The following ATP8A1 variants were observed in gnomAD, a reference collection of about 807,000 sequenced individuals.
ATP8A1 encodes phospholipid-transporting ATPase IA.
A neutral mutation model predicts 177.7 loss-of-function variants in ATP8A1; 90 were observed. That is an observed-to-expected ratio of 0.51 (90% confidence interval 0.43 to 0.60). The LOEUF (loss-of-function observed/expected upper bound fraction) is 0.60, where lower values mean the gene tolerates loss of function less well. Among genes scored for constraint, ATP8A1 ranks in the 20% least tolerant of loss-of-function variants. The pLI is 0.00. For synonymous variants in ATP8A1, 493 were observed against 485.9 expected, an observed-to-expected ratio of 1.01 and a Z score of -0.19; for missense variants, 1,072 against 1,392.8, an observed-to-expected ratio of 0.77 and a Z score of 3.67.
rs564469630 is a variant in ATP8A1, at chr4:42,598,639, T to G, written c.450+1839A>C. Among the ~76,000 whole-genome samples, 4 of 152,334 alleles carry G rather than the reference T, an allele frequency of 2.6e-5. No homozygotes were observed. The East Asian group carries it at 5.8e-4, about 22-fold the overall frequency. ...AATTTTTCTGGGAATATGACATACT[T>G]GTAAATTTGTATGAATCTTGAATAT... On this transcript the variant is annotated intron_variant, in intron 6 of 36. Coordinates refer to ENST00000381668, the MANE Select transcript of ATP8A1 (RefSeq NM_006095.2).
intron 25 of ATP8A1, among the ~76,000 whole-genome samples, chr4:42,477,493 T>C (rs1404868019): frequency 6.6e-6 from 1 of 152,136 alleles, no homozygotes; most frequent in Non-Finnish European, 1.5e-5. Context: ...TCCCCCTCTC[T>C]TTCTCTCTCT....
At chr4:42,443,322 T>C (rs1055071024) in intron 33 of ATP8A1, among the ~76,000 whole-genome samples, 1 of 152,202 alleles carries the variant, frequency 6.6e-6, no homozygotes, top group Admixed American at 6.5e-5. Context: ...CCGACAACCA[T>C]ATTTTATTGT....
At position 42,455,561 on chromosome 4, in the gene ATP8A1, G is replaced by T. The variant is rs1214837127; in HGVS notation, c.2658C>A (p.Ile886=). The change falls in exon 28 of 37, where the codon ATC becomes ATA. Residue 886 remains isoleucine (I), a synonymous_variant. Transcript: ENST00000381668. The part of the protein sequence containing the change: ...FAFVNGFSGQ[I]LFERWCIGLY... ...GACCTATACACCATCTTTCAAAGAG[G>T]ATCTGTCCAGAAAAGCCATTAACAA... 3.7e-6 allele frequency: 6 copies of T among 1,613,368 alleles called. No individual in the cohort carries two copies. Among genetic ancestry groups the T allele is most frequent in the Non-Finnish European group, 4.2e-6 (5 of 1,179,738 alleles).
At chr4:42,548,362 G>A (rs1010057903) in intron 19 of ATP8A1, among the ~76,000 whole-genome samples, 5 of 152,114 alleles carry the variant, frequency 3.3e-5, no homozygotes, top group African/African-American at 1.2e-4. Context: ...CGTATACGCT[G>A]GGCTTGTGAA....
chr4:42,570,476 C>T (rs539266651), intron 14 of ATP8A1, among the ~76,000 whole-genome samples: 1 of 152,348 alleles, frequency 6.6e-6, no homozygotes, highest in African/African-American at 2.4e-5. Flanking sequence ...AACCAAGCAA[C>T]ACTGTGCATG....
intron 5 of ATP8A1, among the ~76,000 whole-genome samples, chr4:42,611,531 G>A (rs2109434927): frequency 1.3e-5 from 2 of 152,050 alleles, no homozygotes; most frequent in South Asian, 4.2e-4. Context: ...ATACACCTGG[G>A]GCTTTAAAAA....
At chr4:42,489,266 C>A (rs1340419014) in intron 24 of ATP8A1, among the ~76,000 whole-genome samples, 23 of 152,148 alleles carry the variant, frequency 1.5e-4, no homozygotes, top group Admixed American at 1.5e-3. Flanking sequence ...CAAAACAAGA[C>A]CGAAAGTCAA....
At position 42,638,790 on chromosome 4, in the gene ATP8A1, C is replaced by CA. The variant is rs902016240; in HGVS notation, c.50-11682dup. ...ACCAGAAACGAGGGGTTGCAACCAC[C>CA]AGACATCTACCAAGCATCTCCTAGA... On this transcript the variant is annotated intron_variant, in intron 1 of 36. Coordinates refer to ENST00000381668, the MANE Select transcript of ATP8A1 (RefSeq NM_006095.2). Among the ~76,000 whole-genome samples the CA allele has an allele frequency of 1.4e-3, 206 of 152,186 alleles. 1 individual carries two copies. Among genetic ancestry groups the CA allele is most frequent in the African/African-American group, 4.6e-3 (189 of 41,526 alleles).
chr4:42,550,557 C>T (rs899481702), intron 18 of ATP8A1, among the ~76,000 whole-genome samples: 4 of 152,102 alleles, frequency 2.6e-5, no homozygotes, highest in Non-Finnish European at 4.4e-5. Context: ...CATCTGCTAG[C>T]AGTATATGAG....
At chr4:42,452,657 AT>A in intron 29 of ATP8A1, among the ~76,000 whole-genome samples, 1 of 152,358 alleles carries the variant, frequency 6.6e-6, no homozygotes, top group South Asian at 2.1e-4. Context: ...GTTTTGTATA[AT>A]TATAACATCA....
At chr4:42,493,832 C>T (rs1488988890) in intron 24 of ATP8A1, among the ~76,000 whole-genome samples, 2 of 152,046 alleles carry the variant, frequency 1.3e-5, no homozygotes, top group Admixed American at 6.6e-5. Context: ...AGTGCCCTGT[C>T]CAGTGCCTGG....
At chr4:42,562,472 G>A (rs1730936781) in intron 15 of ATP8A1, 1 of 152,882 alleles carries the variant, frequency 6.5e-6, no homozygotes, top group African/African-American at 2.4e-5. Context: ...TTGTTTTGGG[G>A]GAAAGTTCTG....
intron 27 of ATP8A1, among the ~76,000 whole-genome samples, chr4:42,457,097 G>A (rs893279828): frequency 6.6e-6 from 1 of 152,168 alleles, no homozygotes; most frequent in Non-Finnish European, 1.5e-5. Flanking sequence ...AACAAAAGCA[G>A]AGAAATCAGA....
intron 1 of ATP8A1, among the ~76,000 whole-genome samples, chr4:42,634,733 T>A (rs1279324981): frequency 6.6e-6 from 1 of 152,182 alleles, no homozygotes; most frequent in Non-Finnish European, 1.5e-5. Context: ...TCCTCATGCA[T>A]ATGCAAAAAT....
chr4:42,440,884 T>C (rs913235003), intron 33 of ATP8A1, among the ~76,000 whole-genome samples: 22 of 150,576 alleles, frequency 1.5e-4, no homozygotes, highest in Non-Finnish European at 7.4e-5. Context: ...GAGACCCTTA[T>C]TAAGCTTTTG....
intron 4 of ATP8A1, among the ~76,000 whole-genome samples, chr4:42,618,417 T>C (rs1390551295): frequency 6.6e-6 from 1 of 152,200 alleles, no homozygotes; most frequent in Non-Finnish European, 1.5e-5. Context: ...TTATATCTGG[T>C]TGCCTCTTTA....
chr4:42,527,230 A>G (rs539713554), intron 20 of ATP8A1, among the ~76,000 whole-genome samples: 1 of 152,142 alleles, frequency 6.6e-6, no homozygotes, highest in Non-Finnish European at 1.5e-5. Flanking sequence ...AACAGACACA[A>G]GCTGTTATCA....
intron 17 of ATP8A1, among the ~76,000 whole-genome samples, chr4:42,551,547 CT>C (rs895784002): frequency 2.0e-5 from 3 of 152,144 alleles, no homozygotes; most frequent in Admixed American, 6.5e-5. Context: ...TCCTAAGAAG[CT>C]TAATTTAAAT....
At chr4:42,441,114 C>T (rs555764041) in intron 33 of ATP8A1, among the ~76,000 whole-genome samples, 7 of 152,186 alleles carry the variant, frequency 4.6e-5, no homozygotes, top group South Asian at 2.1e-4. Flanking sequence ...TGTTTCATTA[C>T]GTGGATATCA....
Sources: allele counts gnomAD v4.1 joint callset (sites outside exome capture counted in the v4.1 genomes callset), GRCh38; gene constraint gnomAD v4.1.1; transcripts MANE v1.5; gene names NCBI Gene and HGNC (gene_info 2026-07-23, HGNC 2026-07-21).